Variants in ZNF385D observed in about 807,000 individuals in gnomAD.
ZNF385D encodes zinc finger protein 659.
Under a neutral mutation model 35.8 loss-of-function variants are expected in ZNF385D, and 15 were observed. That is an observed-to-expected ratio of 0.42 (90% confidence interval 0.28 to 0.64). The LOEUF (loss-of-function observed/expected upper bound fraction) is 0.64, where lower values mean the gene tolerates loss of function less well. Ranked by LOEUF, ZNF385D falls within the 30% of genes least tolerant of loss-of-function variation. The pLI is 0.23. For missense variants in ZNF385D, 474 were observed against 494.6 expected (o/e 0.96, Z 0.39); for synonymous variants, 212 against 186.8 (o/e 1.13, Z -1.10).
chr3:22,287,157 T>A (rs186886462), intron 2 of ZNF385D, among the ~76,000 whole-genome samples: 1 of 152,068 alleles, frequency 6.6e-6, no homozygotes, highest in African/African-American at 2.4e-5. Context: ...ACAGTTTTTT[T>A]ACTTAAAGCT....
intron 2 of ZNF385D, among the ~76,000 whole-genome samples, chr3:22,297,704 C>T (rs1275439223): frequency 1.3e-5 from 2 of 151,878 alleles, no homozygotes; most frequent in South Asian, 2.1e-4. Flanking sequence ...AGCAAATACA[C>T]GTGGCGAGGA....
chr3:21,945,827 CATATT>C (rs62676563), intron 3 of ZNF385D, among the ~76,000 whole-genome samples: 9,071 of 152,190 alleles, frequency 0.06, 427 homozygotes, highest in African/African-American at 0.12. Flanking sequence ...CTGATGAACT[CATATT>C]ATGTGTTTAT....
chr3:21,566,830 C>A (rs1471107764), intron 2 of ZNF385D, among the ~76,000 whole-genome samples: 1 of 152,156 alleles, frequency 6.6e-6, no homozygotes, highest in African/African-American at 2.4e-5. Flanking sequence ...CCCTCTTACC[C>A]CTCTGTGGTC....
At position 21,757,120 on chromosome 3, in the gene ZNF385D, CT is replaced by C. The variant is rs61226426; in HGVS notation, c.326-92093del. ...CTTTGGAGACATATGATAAATTTCT[CT>C]TTTTTTTTTTTTTTTTTTGTTTTCT... On this transcript the variant is annotated intron_variant, in intron 3 of 5. Transcript: ENST00000494108. Among the ~76,000 whole-genome samples, 53 of 106,414 alleles carry C rather than the reference CT, an allele frequency of 5.0e-4. 1 individual carries two copies. The highest frequency in any genetic ancestry group is 1.3e-3 in the African/African-American group (37 of 27,916). The allele number at this position is 106,414 out of a possible 152,430, so 69.8% of individuals were successfully genotyped here.
chr3:21,970,152 A>C (rs924245989), intron 3 of ZNF385D, among the ~76,000 whole-genome samples: 10 of 152,170 alleles, frequency 6.6e-5, no homozygotes, highest in African/African-American at 2.4e-4. Flanking sequence ...ATAATTCTTC[A>C]ATACTCTGAC....
At chr3:21,834,412 G>A (rs994528250) in intron 3 of ZNF385D, among the ~76,000 whole-genome samples, 7 of 152,074 alleles carry the variant, frequency 4.6e-5, no homozygotes, top group African/African-American at 1.7e-4. Flanking sequence ...TGCTTATCTG[G>A]AAAAGACTTT....
chr3:22,165,083 A>G (rs775267504), intron 3 of ZNF385D, among the ~76,000 whole-genome samples: 1 of 152,204 alleles, frequency 6.6e-6, no homozygotes, highest in Non-Finnish European at 1.5e-5. Context: ...GATGTTGGAT[A>G]CATGTCATTA....
At chr3:22,133,245 T>C (rs1187890031) in intron 3 of ZNF385D, among the ~76,000 whole-genome samples, 3 of 152,166 alleles carry the variant, frequency 2.0e-5, no homozygotes, top group Non-Finnish European at 4.4e-5. Context: ...ATCCTTCTTT[T>C]TTAATTTCAC....
intron 2 of ZNF385D, among the ~76,000 whole-genome samples, chr3:21,574,195 A>G (rs2063424095): frequency 6.6e-6 from 1 of 152,128 alleles, no homozygotes; most frequent in African/African-American, 2.4e-5. Flanking sequence ...AATGTCACCT[A>G]TGAGGAAGTC....
intron 3 of ZNF385D, among the ~76,000 whole-genome samples, chr3:21,977,706 G>A (rs1446038044): frequency 6.6e-6 from 1 of 151,796 alleles, no homozygotes; most frequent in East Asian, 1.9e-4. Flanking sequence ...GCATGGTGGG[G>A]CTGTCTATGG....
intron 2 of ZNF385D, among the ~76,000 whole-genome samples, chr3:22,233,914 C>CA (rs1699034414): frequency 6.6e-6 from 1 of 152,036 alleles, no homozygotes; most frequent in African/African-American, 2.4e-5. Flanking sequence ...AAGTTTTAAT[C>CA]ATTCTTTCCT....
intron 3 of ZNF385D, among the ~76,000 whole-genome samples, chr3:21,971,596 G>A (rs368570313): frequency 3.8e-4 from 57 of 151,522 alleles, no homozygotes; most frequent in Admixed American, 1.2e-3. Context: ...AAAATGGCAA[G>A]AGTAAGTCCT....
At chr3:21,982,671 G>C (rs545716987) in intron 3 of ZNF385D, among the ~76,000 whole-genome samples, 1 of 152,136 alleles carries the variant, frequency 6.6e-6, no homozygotes, top group Non-Finnish European at 1.5e-5. Context: ...TGGTATTCAA[G>C]GGGAATACTG....
chr3:21,889,555 G>C (rs961809983), intron 3 of ZNF385D, among the ~76,000 whole-genome samples: 3 of 152,038 alleles, frequency 2.0e-5, no homozygotes, highest in African/African-American at 7.2e-5. Context: ...ATATTAATTA[G>C]AATCAAATAG....
chr3:21,448,344 A>G (rs2125270440), intron 4 of ZNF385D, among the ~76,000 whole-genome samples: 1 of 152,260 alleles, frequency 6.6e-6, no homozygotes, highest in Non-Finnish European at 1.5e-5. Flanking sequence ...TTTCAACTAT[A>G]AGCTGAGTTA....
intron 3 of ZNF385D, among the ~76,000 whole-genome samples, chr3:21,971,502 G>A (rs1295268687): frequency 1.3e-5 from 2 of 151,324 alleles, no homozygotes; most frequent in Admixed American, 6.6e-5. Context: ...AAAAGTAAAA[G>A]ATGAAAATAT....
chr3:21,763,894 T>C (rs1053642980), intron 3 of ZNF385D, among the ~76,000 whole-genome samples: 7 of 152,192 alleles, frequency 4.6e-5, no homozygotes, highest in Non-Finnish European at 4.4e-5. Flanking sequence ...ATATAGTCAT[T>C]GAACATCCAT....
At chr3:22,223,024 G>T (rs563211730) in intron 2 of ZNF385D, among the ~76,000 whole-genome samples, 2 of 152,096 alleles carry the variant, frequency 1.3e-5, no homozygotes, top group East Asian at 3.9e-4. Context: ...GTTCAGCTAT[G>T]CCATTATTTC....
chr3:21,675,194 T>C (rs189230276), intron 1 of ZNF385D, among the ~76,000 whole-genome samples: 5 of 152,252 alleles, frequency 3.3e-5, no homozygotes, highest in Admixed American at 2.0e-4. Context: ...ATTATTGTTT[T>C]CTTCAGAAAA....
Sources: allele counts gnomAD v4.1 joint callset (sites outside exome capture counted in the v4.1 genomes callset), GRCh38; gene constraint gnomAD v4.1.1; transcripts MANE v1.5; gene names NCBI Gene and HGNC (gene_info 2026-07-23, HGNC 2026-07-21).